Variants in FCHO2 observed in about 807,000 individuals in gnomAD.
FCHO2 encodes the protein F-BAR domain only protein 2.
A neutral mutation model predicts 114.1 loss-of-function variants in FCHO2; 43 were observed. The observed-to-expected ratio is 0.38, with a 90% CI of 0.30 to 0.49. FCHO2 has a LOEUF of 0.49. Among genes scored for constraint, FCHO2 ranks in the 20% least tolerant of loss-of-function variants. FCHO2 has a pLI of 0.97. For missense variants in FCHO2, 807 were observed against 950.4 expected, an observed-to-expected ratio of 0.85 and a Z score of 1.98; for synonymous variants, 293 against 315.2, an observed-to-expected ratio of 0.93 and a Z score of 0.75.
At chr5:72,991,953 G>A (rs965071653) in intron 5 of FCHO2, among the ~76,000 whole-genome samples, 11 of 152,136 alleles carry the variant, frequency 7.2e-5, no homozygotes, top group African/African-American at 2.7e-4. Flanking sequence ...TCTGTTACAA[G>A]TCTGAATAAC....
At chr5:72,957,805 C>G (rs557406952) in intron 1 of FCHO2, among the ~76,000 whole-genome samples, 1 of 152,190 alleles carries the variant, frequency 6.6e-6, no homozygotes, top group Non-Finnish European at 1.5e-5. Flanking sequence ...CCAGCAATAT[C>G]TGAGGGTTCC....
At chr5:73,085,601 C>T (rs547994685) in intron 24 of FCHO2, among the ~76,000 whole-genome samples, 21 of 149,494 alleles carry the variant, frequency 1.4e-4, no homozygotes, top group African/African-American at 4.2e-4. Flanking sequence ...GTGGCAAAAC[C>T]CTGCCTCTAC....
intron 5 of FCHO2, among the ~76,000 whole-genome samples, chr5:72,993,273 A>C (rs894633259): frequency 6.6e-6 from 1 of 152,138 alleles, no homozygotes; most frequent in Non-Finnish European, 1.5e-5. Context: ...TTTAAAAAGC[A>C]ATAGAGAAAA....
In FCHO2 at chr5:72,971,972, G is replaced by T. The variant is rs1371372434; in HGVS notation, c.125+3383G>T. 6.0e-5 allele frequency among the ~76,000 whole-genome samples: 9 copies of T among 151,216 alleles called. No homozygotes were observed. In the South Asian group the frequency reaches 1.5e-3, roughly 25 times the overall value. Reference sequence around the variant, plus strand: ...TTAAATAGGGAATCCTTTCCCCATTGCTTGTTTTTCTCAGGTTTGTCAAAG... The same window carrying T: ...TTAAATAGGGAATCCTTTCCCCATTTCTTGTTTTTCTCAGGTTTGTCAAAG... On this transcript the variant is annotated intron_variant, in intron 2 of 25. Coordinates refer to ENST00000430046, the MANE Select transcript of FCHO2 (RefSeq NM_138782.3).
chr5:73,023,378 A>G (rs1227162900), intron 8 of FCHO2, among the ~76,000 whole-genome samples: 1 of 152,202 alleles, frequency 6.6e-6, no homozygotes, highest in African/African-American at 2.4e-5. Context: ...ATAATCATGG[A>G]GTTTTATTGC....
intron 24 of FCHO2, among the ~76,000 whole-genome samples, chr5:73,087,374 G>A (rs1002027302): frequency 6.6e-6 from 1 of 152,158 alleles, no homozygotes; most frequent in Non-Finnish European, 1.5e-5. Flanking sequence ...CTGAAGATTA[G>A]TATTGAGTCA....
At chr5:73,060,739 C>G (rs1351141336) in intron 17 of FCHO2, among the ~76,000 whole-genome samples, 4 of 151,950 alleles carry the variant, frequency 2.6e-5, no homozygotes, top group Non-Finnish European at 4.4e-5. Flanking sequence ...TTCAATCAAT[C>G]AGTTAATAAC....
chr5:72,963,790 A>T (rs1752014563), intron 1 of FCHO2, among the ~76,000 whole-genome samples: 1 of 151,646 alleles, frequency 6.6e-6, no homozygotes, highest in African/African-American at 2.4e-5. Context: ...GCCTCAAGGG[A>T]TCCTCCTGCC....
intron 1 of FCHO2, 52 bp downstream of exon 1, chr5:72,956,181 G>A (rs1272385913): frequency 3.9e-6 from 6 of 1,519,250 alleles, no homozygotes; most frequent in African/African-American, 2.9e-5. Context: ...GGCTTTTGGC[G>A]CCTGAGCTTG....
At chr5:73,015,344 C>T (rs1755251439) in intron 6 of FCHO2, among the ~76,000 whole-genome samples, 4 of 151,322 alleles carry the variant, frequency 2.6e-5, no homozygotes, top group Non-Finnish European at 1.5e-5. Flanking sequence ...CTCACTGGAA[C>T]CTCTGCCTCC....
intron 8 of FCHO2, among the ~76,000 whole-genome samples, chr5:73,032,889 A>G (rs1756309587): frequency 6.6e-6 from 1 of 152,174 alleles, no homozygotes; most frequent in South Asian, 2.1e-4. Flanking sequence ...AAGCTTTATT[A>G]GTACTTGGAA....
chr5:73,001,642 A>G, intron 5 of FCHO2, among the ~76,000 whole-genome samples: 1 of 151,700 alleles, frequency 6.6e-6, no homozygotes, highest in Non-Finnish European at 1.5e-5. Flanking sequence ...TATCAATTTT[A>G]CCTTTCAAGA....
At chr5:73,082,890 TTTA>T in intron 24 of FCHO2, 65 bp downstream of exon 24, 1 of 1,406,722 alleles carries the variant, frequency 7.1e-7, no homozygotes, top group Non-Finnish European at 9.7e-7. Flanking sequence ...TTTTTTTTTT[TTTA>T]AAACAGAGTC....
intron 1 of FCHO2, among the ~76,000 whole-genome samples, chr5:72,961,533 A>G (rs1273283780): frequency 6.6e-6 from 1 of 152,070 alleles, no homozygotes; most frequent in Non-Finnish European, 1.5e-5. Flanking sequence ...TATAAGAGGG[A>G]GTAAATCTTC....
chr5:72,965,121 G>C (rs1361046105), intron 1 of FCHO2, among the ~76,000 whole-genome samples: 1 of 152,132 alleles, frequency 6.6e-6, no homozygotes. Context: ...GAGAAGAGGG[G>C]ACTACTGTAC....
rs1477116758 is a variant in FCHO2 at position 73,068,781 on chromosome 5, T to C, written c.1579+2T>C. On this transcript the variant is annotated splice_donor_variant, in intron 19 of 25. Transcript: ENST00000430046. LOFTEE classifies it high-confidence loss of function. ...GTGCTGCCAATACTCCAACAGTAGGTAAGTGATTATCATCAATTACATGTG... is the reference window on the plus strand; with the variant it reads ...GTGCTGCCAATACTCCAACAGTAGGCAAGTGATTATCATCAATTACATGTG... 1 of 1,610,910 alleles carries C rather than the reference T, an allele frequency of 6.2e-7. No homozygotes were observed. The highest frequency in any genetic ancestry group is 1.1e-5 in the South Asian group (1 of 90,708).
chr5:73,082,017 A>G, intron 23 of FCHO2, 35 bp downstream of exon 23: 2 of 1,392,002 alleles, frequency 1.4e-6, no homozygotes, highest in South Asian at 3.8e-5. Flanking sequence ...TTCCCACTAA[A>G]TTTTTGTTGC....
chr5:72,976,491 G>A (rs1277109348), intron 2 of FCHO2, among the ~76,000 whole-genome samples: 1 of 152,098 alleles, frequency 6.6e-6, no homozygotes, highest in Non-Finnish European at 1.5e-5. Context: ...TTACAGGAGG[G>A]AACCAGCACA....
At chr5:72,971,292 G>A (rs1284512463) in intron 2 of FCHO2, among the ~76,000 whole-genome samples, 1 of 151,764 alleles carries the variant, frequency 6.6e-6, no homozygotes, top group African/African-American at 2.4e-5. Flanking sequence ...TTCCACAGTG[G>A]TTGAACTAGT....
Sources: gnomAD v4.1 joint callset for allele counts (sites outside exome capture counted in the v4.1 genomes callset) on GRCh38, gnomAD v4.1.1 for gene constraint, MANE v1.5 for transcripts, NCBI Gene and HGNC (gene_info 2026-07-23, HGNC 2026-07-21) for gene names.